The following KRT85 variants were observed in gnomAD, a reference collection of about 807,000 sequenced individuals.
KRT85 encodes the protein keratin, type II cuticular Hb5.
KRT85 carries 39 observed loss-of-function variants against 53.7 expected under a neutral mutation model. The ratio of observed to expected loss-of-function variants is 0.73; its 90% CI spans 0.56 to 0.95. KRT85 has a LOEUF of 0.95. KRT85 is among the 40% of genes least tolerant of loss of function. The probability of loss-of-function intolerance (pLI) is 0.00; values close to 1 mark genes in which losing one functional copy is unlikely to be tolerated. For missense variants in KRT85, 668 were observed against 686.0 expected, an observed-to-expected ratio of 0.97 and a Z score of 0.29; for synonymous variants, 291 against 277.5, an observed-to-expected ratio of 1.05 and a Z score of -0.48.
chr12:52,366,006 C>T (rs371510351), intron 1 of KRT85, among the ~76,000 whole-genome samples: 32 of 152,298 alleles, frequency 2.1e-4, no homozygotes, highest in Admixed American at 5.9e-4. Flanking sequence ...GCCCCCAAAC[C>T]CTGATCCTAG....
chr12:52,360,895 G>T lies in KRT85; in HGVS notation c.1482C>A (p.Ser494=). 6.2e-7 allele frequency: 1 copy of T among 1,612,476 alleles called. No homozygotes were observed. Among genetic ancestry groups the T allele is most frequent in the Non-Finnish European group, 8.5e-7 (1 of 1,180,028 alleles). Reference sequence around the variant, plus strand: ...ACCGGCTACTCCCGCAGCTGAAGCTGGAGGAACGAGGCTGGCAGGGGGCAC... The same window carrying T: ...ACCGGCTACTCCCGCAGCTGAAGCTTGAGGAACGAGGCTGGCAGGGGGCAC... ...DSCAPCQPRS[S]SFSCGSSRSV... is the part of the protein sequence containing the mutation. The change falls in exon 9 of 9, where the codon TCC becomes TCA. Residue 494 remains serine (S), a synonymous_variant. Coordinates refer to ENST00000257901, the MANE Select transcript of KRT85 (RefSeq NM_002283.4).
Position 52,362,872 on chromosome 12 carries a change from A to C in KRT85, c.1059T>G (p.Ile353Met). 1.2e-6 allele frequency: 2 copies of C among 1,613,958 alleles called. No individual in the cohort carries two copies. The highest frequency in any genetic ancestry group is 1.7e-6 in the Non-Finnish European group (2 of 1,180,000). ...ACCCCACCTGGCACTTGGCATTCTC[A>C]ATCTCGGCCGTCAGCCTCTGGATCA... ...NRMIQRLTAE[I>M]ENAKCQRAKL... The change falls in exon 6 of 9, where the codon ATT (isoleucine) becomes ATG (methionine). Residue 353 changes from isoleucine (I) to methionine (M), a missense_variant. Physicochemically the swap from Ile to Met is conservative, Grantham distance 10. Transcript: ENST00000257901.
intron 7 of KRT85, among the ~76,000 whole-genome samples, chr12:52,362,019 T>G (rs377685067): frequency 3.9e-5 from 6 of 152,300 alleles, no homozygotes; most frequent in African/African-American, 1.4e-4. Flanking sequence ...CTTCTTTATC[T>G]AAAGATAAAA....
chr12:52,362,516 C>T, intron 6 of KRT85, 45 bp from the exon 7 acceptor site: 1 of 1,605,930 alleles, frequency 6.2e-7, no homozygotes, highest in Non-Finnish European at 8.5e-7. Flanking sequence ...AGAGAAGCCA[C>T]AGCTTGGCTC....
In KRT85 at chr12:52,362,917, C is replaced by A; in HGVS notation, c.1014G>T (p.Glu338Asp). ...HGETLRRTKE[E>D]INELNRMIQR... ...GGATCATGCGGTTCAGCTCGTTGAT[C>A]TCCTCCTTGGTGCGGCGCAGGGTCT... The change falls in exon 6 of 9, where the codon GAG becomes GAT. Residue 338 changes from glutamate to aspartate, a missense_variant. Coordinates refer to ENST00000257901, the MANE Select transcript of KRT85 (RefSeq NM_002283.4). The A allele has an allele frequency of 1.2e-6, 2 of 1,614,172 alleles. No individual in the cohort carries two copies. The highest frequency in any genetic ancestry group is 2.2e-5 in the East Asian group (1 of 44,858).
Position 52,363,363 on chromosome 12 carries a change from G to T in KRT85, c.834C>A (p.Val278=), listed in dbSNP as rs1229121462. The T allele has an allele frequency of 6.2e-7, 1 of 1,614,160 alleles. No homozygotes were observed. Among genetic ancestry groups the T allele is most frequent in the Non-Finnish European group, 8.5e-7 (1 of 1,180,030 alleles). ...QAHISDTSVI[V]KMDNSRDLNM... ...TCAGGTCTCGGCTGTTGTCCATCTT[G>T]ACTATGACCGAGGTGTCTGAGATGT... The change falls in exon 5 of 9, where the codon GTC becomes GTA. Residue 278 remains valine (V), a synonymous_variant. Coordinates refer to ENST00000257901, the MANE Select transcript of KRT85 (RefSeq NM_002283.4).
Position 52,362,923 on chromosome 12 carries a change from C to T in KRT85, c.1008G>A (p.Lys336=), listed in dbSNP as rs780111391. ...IRHGETLRRT[K]EEINELNRMI... The stretch of plus-strand genomic sequence containing the variant: ...TGCGGTTCAGCTCGTTGATCTCCTC[C>T]TTGGTGCGGCGCAGGGTCTCCCCAT... The change falls in exon 6 of 9, where the codon AAG becomes AAA. Residue 336 remains lysine, a synonymous_variant. Transcript: ENST00000257901. 5.6e-6 allele frequency: 9 copies of T among 1,614,006 alleles called. No individual in the cohort carries two copies. Among genetic ancestry groups the T allele is most frequent in the Admixed American group, 3.3e-5 (2 of 60,008 alleles).
intron 5 of KRT85, 70 bp downstream of exon 5, chr12:52,363,176 T>C: frequency 6.3e-7 from 1 of 1,598,506 alleles, no homozygotes; most frequent in Non-Finnish European, 8.6e-7. Context: ...GCAAGAGAAA[T>C]CTTTTCTAAT....
At chr12:52,361,444 G>C in intron 8 of KRT85, 23 bp downstream of exon 8, 1 of 1,612,620 alleles carries the variant, frequency 6.2e-7, no homozygotes. Flanking sequence ...ATTTTTCCAG[G>C]AGAATTTCAG....
Position 52,360,790 on chromosome 12 carries a change from C to A in KRT85, c.*63G>T. On this transcript the variant is annotated 3_prime_UTR_variant, in exon 9 of 9. Transcript: ENST00000257901. ...CAAGCACACATTTTCCATTCACATG[C>A]CATTCAGTGCAGTGATGCAGGCAGG... 1 of 1,500,068 alleles carries A rather than the reference C, an allele frequency of 6.7e-7. No homozygotes were observed. Among genetic ancestry groups the A allele is most frequent in the East Asian group, 2.3e-5 (1 of 44,322 alleles). The allele number at this position is 1,500,068 out of a possible 1,614,324, so 92.9% of individuals were successfully genotyped here. A position where few individuals can be genotyped will look rare whatever the true frequency, so the allele number is the denominator to read the frequency against.
In KRT85 at chr12:52,362,930, C is replaced by A; in HGVS notation, c.1001G>T (p.Arg334Leu). The change falls in exon 6 of 9, where the codon CGC becomes CTC. Residue 334 changes from arginine to leucine, a missense_variant. By Grantham distance (102) the Arg-to-Leu change is moderately radical. This residue lies in a region of KRT85 where 488 missense variants were observed against 498.1 expected (regional missense o/e 0.98). Coordinates refer to ENST00000257901, the MANE Select transcript of KRT85 (RefSeq NM_002283.4). Reference sequence around the variant, plus strand: ...CAGCTCGTTGATCTCCTCCTTGGTGCGGCGCAGGGTCTCCCCATGCCTGAT... The same window carrying A: ...CAGCTCGTTGATCTCCTCCTTGGTGAGGCGCAGGGTCTCCCCATGCCTGAT... ...TVIRHGETLR[R>L]TKEEINELNR... The A allele has an allele frequency of 6.2e-7, 1 of 1,614,122 alleles. No homozygotes were observed. The highest frequency in any genetic ancestry group is 8.5e-7 in the Non-Finnish European group (1 of 1,180,022).
Position 52,364,520 on chromosome 12 carries a change from G to A in KRT85, c.630-154C>T, listed in dbSNP as rs1939243793. 3.3e-6 allele frequency: 5 copies of A among 1,508,402 alleles called. No homozygotes were observed. The Admixed American group carries it at 1.0e-4, about 31-fold the overall frequency. The allele number at this position is 1,508,402 out of a possible 1,614,324, so 93.4% of individuals were successfully genotyped here. A position where few individuals can be genotyped will look rare whatever the true frequency, so the allele number is the denominator to read the frequency against. On this transcript the variant is annotated intron_variant, in intron 2 of 8. Coordinates refer to ENST00000257901, the MANE Select transcript of KRT85 (RefSeq NM_002283.4). ...GGATCTATTTTTTGTATTATTCATG[G>A]GCCAGCCCTTGTCCTAGCCTGGCTT... is the stretch of plus-strand genomic sequence containing the variant.
At chr12:52,361,085 T>G in intron 8 of KRT85, 39 bp from the exon 9 acceptor site, 2 of 1,538,710 alleles carry the variant, frequency 1.3e-6, no homozygotes, top group Non-Finnish European at 1.8e-6. Flanking sequence ...AGCAGCTCCC[T>G]GCAATCTCAC....
At chr12:52,365,319 A>G (rs1190200978) in intron 1 of KRT85, 149 bp from the exon 2 acceptor site, 1 of 859,880 alleles carries the variant, frequency 1.2e-6, no homozygotes, top group Admixed American at 2.0e-5. Flanking sequence ...CCAGGCCCCC[A>G]GGGAGGCAGT....
At position 52,364,159 on chromosome 12, in the gene KRT85, A is replaced by G. The variant is rs1565768715; in HGVS notation, c.695T>C (p.Val232Ala). ...TGATTTCCGCAGGTAGGCACAGTCC[A>G]CGTCCTGGCCGTGGGACAAAGAGGA... is the stretch of plus-strand genomic sequence containing the variant. ...ENEFVVLKKD[V>A]DCAYLRKSDL... The change falls in exon 4 of 9, where the codon GTG (valine) becomes GCG (alanine). Residue 232 changes from valine (V) to alanine (A), a missense_variant. Physicochemically the swap from Val to Ala is moderately conservative, Grantham distance 64. This residue lies in a region of KRT85 where 488 missense variants were observed against 498.1 expected (regional missense o/e 0.98). Transcript: ENST00000257901. The G allele has an allele frequency of 1.2e-6, 2 of 1,614,176 alleles. No individual in the cohort carries two copies. The highest frequency in any genetic ancestry group is 1.7e-6 in the Non-Finnish European group (2 of 1,180,010).
Position 52,364,250 on chromosome 12 carries a change from C to T in KRT85, c.690+56G>A, listed in dbSNP as rs377742832. On this transcript the variant is annotated intron_variant, in intron 3 of 8. Coordinates refer to ENST00000257901, the MANE Select transcript of KRT85 (RefSeq NM_002283.4). Reference sequence around the variant, plus strand: ...TGGTCAGCATGGTGACCCTGCCCCTCGCTGGAGTTTGCACTGATGGGCCCC... The same window carrying T: ...TGGTCAGCATGGTGACCCTGCCCCTTGCTGGAGTTTGCACTGATGGGCCCC... The T allele has an allele frequency of 2.8e-4, 450 of 1,612,842 alleles. 2 individuals carry two copies. The African/African-American group carries it at 4.5e-3, about 16-fold the overall frequency.
chr12:52,363,140 C>T (rs1939219309), intron 5 of KRT85, 106 bp downstream of exon 5: 3 of 1,558,468 alleles, frequency 1.9e-6, no homozygotes, highest in South Asian at 1.1e-5. Flanking sequence ...TTTTCTCATA[C>T]TGTCCTCATG....
At position 52,360,984 on chromosome 12, in the gene KRT85, G is replaced by A. The variant is rs201777129; in HGVS notation, c.1393C>T (p.Arg465Cys). ...GCTGAGGGGCCAGAAGTGATCTGGC[G>A]CCCTGGGGTGGTGCTGTAGGAGAGG... ...GGLSYSTTPG[R>C]QITSGPSAIG... is the part of the protein sequence containing the mutation. Residue 465 changes from arginine (R) to cysteine (C), a missense_variant, in exon 9 of 9, where the codon CGC (arginine) becomes TGC (cysteine). Arg to Cys is a radical substitution (Grantham distance 180). Transcript: ENST00000257901. 289 of 1,613,586 alleles carry A rather than the reference G, an allele frequency of 1.8e-4. No homozygotes were observed. The highest frequency in any genetic ancestry group is 4.0e-4 in the African/African-American group (30 of 75,028).
chr12:52,365,181 G>C lies in KRT85; in HGVS notation c.421-11C>G, dbSNP rs1939254479. On this transcript the variant is annotated splice_polypyrimidine_tract_variant and intron_variant, in intron 1 of 8. Coordinates refer to ENST00000257901, the MANE Select transcript of KRT85 (RefSeq NM_002283.4). ...CTCCAGGAAGCGCACCTGCCATTCA[G>C]GTGGAAAGAAGAAGTCAGAGGGAGC... 1.9e-6 allele frequency: 3 copies of C among 1,614,148 alleles called. No homozygotes were observed. The Admixed American group carries it at 5.0e-5, about 27-fold the overall frequency.
Sources: gnomAD v4.1 joint callset for allele counts (sites outside exome capture counted in the v4.1 genomes callset) on GRCh38, gnomAD v4.1.1 for gene constraint, gnomAD v4.1.1 regional missense constraint, MANE v1.5 for transcripts, NCBI Gene and HGNC (gene_info 2026-07-23, HGNC 2026-07-21) for gene names.